The following PCDHGB6 variants were observed in gnomAD, a reference collection of about 807,000 sequenced individuals.
PCDHGB6 encodes protocadherin gamma subfamily B, 6.
PCDHGB6 carries 51 observed loss-of-function variants against 59.1 expected under a neutral mutation model. That is an observed-to-expected ratio of 0.86 (90% confidence interval 0.69 to 1.09). PCDHGB6 has a LOEUF of 1.09. Ranked by LOEUF, PCDHGB6 falls within the 50% of genes least tolerant of loss-of-function variation. The pLI, the probability that PCDHGB6 is intolerant of heterozygous loss-of-function variation, is 0.00. For synonymous variants in PCDHGB6, 466 were observed against 495.1 expected (o/e 0.94, Z 0.78); for missense variants, 1,148 against 1,205.1 (o/e 0.95, Z 0.70).
At chr5:141,416,010 A>T (rs968655183) in intron 1 of PCDHGB6, 5 of 245,908 alleles carry the variant, frequency 2.0e-5, no homozygotes, top group Non-Finnish European at 3.0e-5. Flanking sequence ...TGGTAAGAAT[A>T]GGTAAGTATC....
At position 141,418,010 on chromosome 5, in the gene PCDHGB6, G is replaced by T. The variant is rs185303697; in HGVS notation, c.2418+7390G>T. Reference sequence around the variant, plus strand: ...CAAGGGCTCGGTGGTGGGGAACCTCGCTAAGGATCTAGGGCTTAGTGTCCT... The same window carrying T: ...CAAGGGCTCGGTGGTGGGGAACCTCTCTAAGGATCTAGGGCTTAGTGTCCT... On this transcript the variant is annotated intron_variant, in intron 1 of 3. Coordinates refer to ENST00000520790, the MANE Select transcript of PCDHGB6 (RefSeq NM_018926.3). 2.9e-5 allele frequency: 46 copies of T among 1,613,912 alleles called. No individual in the cohort carries two copies. The Middle Eastern group carries it at 5.0e-4, about 17-fold the overall frequency.
chr5:141,476,083 T>C lies in PCDHGB6; in HGVS notation c.2419-18724T>C. 1 of 1,547,886 alleles carries C rather than the reference T, an allele frequency of 6.5e-7. No homozygotes were observed. The highest frequency in any genetic ancestry group is 8.7e-7 in the Non-Finnish European group (1 of 1,153,242). The stretch of plus-strand genomic sequence containing the variant: ...TCTCAGCGAAATCTCAGGGACGATC[T>C]GGACCCCGCTGAGAGGAACTGCTTT... On this transcript the variant is annotated intron_variant, in intron 1 of 3. Coordinates refer to ENST00000520790, the MANE Select transcript of PCDHGB6 (RefSeq NM_018926.3). This position sits in a 1 kb window ranked among gnomAD's most constrained non-coding sequence, Gnocchi z 7.6.
At chr5:141,471,075 G>T (rs574363005) in intron 1 of PCDHGB6, among the ~76,000 whole-genome samples, 1 of 143,346 alleles carries the variant, frequency 7.0e-6, no homozygotes, top group East Asian at 2.0e-4. Context: ...TTGAGACAGG[G>T]TCTCCCTCTG....
In PCDHGB6 at chr5:141,413,469, G is replaced by A. The variant is rs766765319; in HGVS notation, c.2418+2849G>A. 5 of 1,614,012 alleles carry A rather than the reference G, an allele frequency of 3.1e-6. No individual in the cohort carries two copies. The African/African-American group carries it at 5.3e-5, about 17-fold the overall frequency. On this transcript the variant is annotated intron_variant, in intron 1 of 3. Transcript: ENST00000520790. ...CCGCGGGCAGGATAGACCGGGAGGA[G>A]CTCTGCGCTCAGAGCGCGCGGTGCG...
chr5:141,428,233 C>A, intron 1 of PCDHGB6: 1 of 1,049,106 alleles, frequency 9.5e-7, no homozygotes, highest in Non-Finnish European at 1.4e-6. Context: ...AGACAGCCTG[C>A]AGGAGGCACT....
intron 1 of PCDHGB6, chr5:141,478,565 T>C (rs772519746): frequency 1.6e-5 from 25 of 1,593,862 alleles, no homozygotes; most frequent in Non-Finnish European, 2.0e-5. Flanking sequence ...TAGCAAGTCA[T>C]GCTTGACCCT....
chr5:141,500,870 A>C (rs2099803097), intron 2 of PCDHGB6, among the ~76,000 whole-genome samples: 1 of 139,794 alleles, frequency 7.2e-6, no homozygotes, highest in African/African-American at 2.8e-5. Context: ...ATACACATTC[A>C]TTTACAATTT....
rs2233610 is a variant in PCDHGB6, at chr5:141,505,535, G to A, written c.2566+54G>A. ...AGTGGGAGACCTGGGGTTCTGGGGT[G>A]CATCTCACAGCCACCATGCCCACGG... is the stretch of plus-strand genomic sequence containing the variant. On this transcript the variant is annotated intron_variant, in intron 3 of 3. Transcript: ENST00000520790. 12 of 1,610,344 alleles carry A rather than the reference G, an allele frequency of 7.5e-6. No individual in the cohort carries two copies. The East Asian group carries it at 1.8e-4, about 24-fold the overall frequency.
In PCDHGB6 at chr5:141,489,705, C is replaced by G; in HGVS notation, c.2419-5102C>G. The G allele has an allele frequency of 6.2e-7, 1 of 1,614,022 alleles. No homozygotes were observed. The highest frequency in any genetic ancestry group is 1.1e-5 in the South Asian group (1 of 91,074). ...CATCTGGGGCACGATTCCCACTGGA[C>G]AGTGCCCAGGATCCGGATGTGGGCA... On this transcript the variant is annotated intron_variant, in intron 1 of 3. Coordinates refer to ENST00000520790, the MANE Select transcript of PCDHGB6 (RefSeq NM_018926.3). The surrounding 1 kb of genome is among the most constrained non-coding windows in gnomAD (Gnocchi z 4.5).
chr5:141,427,905 A>G (rs754321006), intron 1 of PCDHGB6: 1 of 1,574,682 alleles, frequency 6.4e-7, no homozygotes, highest in South Asian at 1.1e-5. Context: ...GCCCGCGCTC[A>G]GCGCCAACAT....
chr5:141,449,256 A>C (rs929920180), intron 1 of PCDHGB6, among the ~76,000 whole-genome samples: 5 of 152,176 alleles, frequency 3.3e-5, no homozygotes, highest in Non-Finnish European at 5.9e-5. Context: ...CAAGAATTGT[A>C]CAAAGAACTG....
intron 1 of PCDHGB6, among the ~76,000 whole-genome samples, chr5:141,437,926 T>C (rs1374182368): frequency 2.6e-5 from 4 of 152,058 alleles, no homozygotes; most frequent in Admixed American, 1.3e-4. Context: ...TTAGTAGAGA[T>C]GGGGTTTCAC....
Position 141,485,365 on chromosome 5 carries a change from G to A in PCDHGB6, c.2419-9442G>A. 1 of 1,614,120 alleles carries A rather than the reference G, an allele frequency of 6.2e-7. No homozygotes were observed. Among genetic ancestry groups the A allele is most frequent in the Admixed American group, 1.7e-5 (1 of 60,018 alleles). ...CGGACAGTCTGTCAGCTCGCAGGCT[G>A]CAGGTCGCTGGAGAGGTGAACCAAA... On this transcript the variant is annotated intron_variant, in intron 1 of 3. Transcript: ENST00000520790. The surrounding 1 kb of genome is among the most constrained non-coding windows in gnomAD (Gnocchi z 5.7).
At chr5:141,509,887 T>C (rs138950510) in intron 3 of PCDHGB6, among the ~76,000 whole-genome samples, 1 of 152,314 alleles carries the variant, frequency 6.6e-6, no homozygotes, top group East Asian at 1.9e-4. Flanking sequence ...TGATGGTGAC[T>C]GACTGTCCCT....
Position 141,505,388 on chromosome 5 carries a change from C to T in PCDHGB6, c.2478-5C>T, listed in dbSNP as rs756505223. ...TCTGTGCTCACCATCCTACTCTCTCCCCAGCTCCCAAAATGGCGATGACAC... is the reference window on the plus strand; with the variant it reads ...TCTGTGCTCACCATCCTACTCTCTCTCCAGCTCCCAAAATGGCGATGACAC... On this transcript the variant is annotated splice_polypyrimidine_tract_variant and splice_region_variant and intron_variant, in intron 2 of 3. Transcript: ENST00000520790. The T allele has an allele frequency of 6.2e-7, 1 of 1,613,972 alleles. No homozygotes were observed. The highest frequency in any genetic ancestry group is 2.2e-5 in the East Asian group (1 of 44,886).
At position 141,433,110 on chromosome 5, in the gene PCDHGB6, G is replaced by A. The variant is rs1031253372; in HGVS notation, c.2418+22490G>A. On this transcript the variant is annotated intron_variant, in intron 1 of 3. Coordinates refer to ENST00000520790, the MANE Select transcript of PCDHGB6 (RefSeq NM_018926.3). Reference sequence around the variant, plus strand: ...GCAGACATGCTCGTCAGCCAGGAGAGCTTTGAAAAAAGCGAGCCCCTTTTG... The same window carrying A: ...GCAGACATGCTCGTCAGCCAGGAGAACTTTGAAAAAAGCGAGCCCCTTTTG... 3.1e-6 allele frequency: 5 copies of A among 1,613,982 alleles called. No homozygotes were observed. The African/African-American group carries it at 5.3e-5, about 17-fold the overall frequency.
rs188953728 is a variant in PCDHGB6, at chr5:141,448,550, T to A, written c.2418+37930T>A. Among the ~76,000 whole-genome samples, 304 of 152,316 alleles carry A rather than the reference T, an allele frequency of 2.0e-3. 1 individual carries two copies. Among genetic ancestry groups the A allele is most frequent in the African/African-American group, 6.6e-3 (275 of 41,578 alleles). On this transcript the variant is annotated intron_variant, in intron 1 of 3. Transcript: ENST00000520790. ...CCTGTCAGCATTTCTTATGCAAATA[T>A]GTACATATATTTTTATTTCCCCATT...
chr5:141,459,117 T>A (rs1489347692), intron 1 of PCDHGB6, among the ~76,000 whole-genome samples: 1 of 152,224 alleles, frequency 6.6e-6, no homozygotes, highest in Non-Finnish European at 1.5e-5. Flanking sequence ...GACAATTGTT[T>A]ACATCTGTGT....
chr5:141,469,565 C>T (rs1410607165), intron 1 of PCDHGB6, among the ~76,000 whole-genome samples: 1 of 152,082 alleles, frequency 6.6e-6, no homozygotes, highest in East Asian at 1.9e-4. Context: ...CAGAGTGAGA[C>T]TCTGTCTCTA....
Sources: allele counts gnomAD v4.1 joint callset (sites outside exome capture counted in the v4.1 genomes callset), GRCh38; gene constraint gnomAD v4.1.1; non-coding constraint Gnocchi (gnomAD v3.1); transcripts MANE v1.5; gene names NCBI Gene and HGNC (gene_info 2026-07-23, HGNC 2026-07-21).